The following PAQR3 variants were observed in gnomAD, a reference collection of about 807,000 sequenced individuals.
PAQR3 encodes the protein progestin and adipoQ receptor family member 3.
PAQR3 carries 39 observed loss-of-function variants against 41.7 expected under a neutral mutation model. The observed-to-expected ratio is 0.93, with a 90% CI of 0.72 to 1.22. The LOEUF is 1.22. Ranked by LOEUF, PAQR3 falls within the 50% of genes most tolerant of loss-of-function variation. PAQR3 has a pLI of 0.00. For synonymous variants in PAQR3, 140 were observed against 140.6 expected, an observed-to-expected ratio of 1.00 and a Z score of 0.03; for missense variants, 366 against 385.6, an observed-to-expected ratio of 0.95 and a Z score of 0.42.
Position 78,920,399 on chromosome 4 carries a change from T to C in PAQR3, c.*140A>G. The C allele has an allele frequency of 7.7e-7, 1 of 1,303,220 alleles. No individual in the cohort carries two copies. The highest frequency in any genetic ancestry group is 9.8e-7 in the Non-Finnish European group (1 of 1,024,812). The allele number at this position is 1,303,220 out of a possible 1,614,324, so 80.7% of individuals were successfully genotyped here. ...ATTACTACAGATCCTTAAGTATACTTTTTTTCCCATTTTTATAAAGCATTA... is the reference window on the plus strand; with the variant it reads ...ATTACTACAGATCCTTAAGTATACTCTTTTTCCCATTTTTATAAAGCATTA... On this transcript the variant is annotated 3_prime_UTR_variant, in exon 6 of 6. Coordinates refer to ENST00000512733, the MANE Select transcript of PAQR3 (RefSeq NM_001040202.2).
intron 11 of PAQR3, among the ~76,000 whole-genome samples, chr4:78,900,656 T>C (rs1157901916): frequency 6.6e-6 from 1 of 152,238 alleles, no homozygotes; most frequent in Non-Finnish European, 1.5e-5. Flanking sequence ...ATTTGTTGCC[T>C]TAGTTTATGA....
intron 4 of PAQR3, 130 bp downstream of exon 4, chr4:78,926,391 C>T: frequency 1.4e-6 from 1 of 724,898 alleles, no homozygotes; most frequent in South Asian, 2.0e-5. Flanking sequence ...ACGGCATCAA[C>T]ATGCAATTAC....
In PAQR3 at chr4:78,918,743, C is replaced by A. The variant is rs1220526947; in HGVS notation, c.*1796G>T. The A allele has an allele frequency of 1.0e-6, 1 of 980,310 alleles. No individual in the cohort carries two copies. Among genetic ancestry groups the A allele is most frequent in the East Asian group, 1.1e-4 (1 of 8,786 alleles). 60.7% of individuals were successfully genotyped at this position (980,310 alleles called of 1,614,324 possible). On this transcript the variant is annotated 3_prime_UTR_variant, in exon 6 of 6. Transcript: ENST00000512733. Reference sequence around the variant, plus strand: ...GTTTTATAATAAAAATGGCTCCACACCTAAAATAATGATTTTCCCCTCATT... The same window carrying A: ...GTTTTATAATAAAAATGGCTCCACAACTAAAATAATGATTTTCCCCTCATT...
rs901879145 is a variant in PAQR3, at chr4:78,919,534, G to T, written c.*1005C>A. 3.0e-6 allele frequency: 3 copies of T among 985,022 alleles called. No homozygotes were observed. Among genetic ancestry groups the T allele is most frequent in the Admixed American group, 1.2e-4 (2 of 16,186 alleles). The allele number at this position is 985,022 out of a possible 1,614,324, so 61.0% of individuals were successfully genotyped here. On this transcript the variant is annotated 3_prime_UTR_variant, in exon 6 of 6. Coordinates refer to ENST00000512733, the MANE Select transcript of PAQR3 (RefSeq NM_001040202.2). ...GCAGAAACCGAGGACCAGAGCACAG[G>T]TGAATAAGATTATTATCAAATGGGG...
chr4:78,909,408 G>T (rs1734462904), downstream of PAQR3, among the ~76,000 whole-genome samples: 1 of 151,682 alleles, frequency 6.6e-6, no homozygotes, highest in Non-Finnish European at 1.5e-5. Context: ...TTTAATAATA[G>T]CTTTCCATTA....
chr4:78,936,113 C>A (rs1435700260), intron 1 of PAQR3, among the ~76,000 whole-genome samples: 1 of 152,184 alleles, frequency 6.6e-6, no homozygotes, highest in African/African-American at 2.4e-5. Context: ...TCAGTTTCTT[C>A]ATCTATACAG....
At chr4:78,936,351 C>G (rs1472162446) in intron 1 of PAQR3, among the ~76,000 whole-genome samples, 1 of 152,196 alleles carries the variant, frequency 6.6e-6, no homozygotes, top group Non-Finnish European at 1.5e-5. Flanking sequence ...ATGACATTGA[C>G]ATATAACTCT....
At chr4:78,903,606 A>C (rs1221700438) in intron 11 of PAQR3, among the ~76,000 whole-genome samples, 1 of 151,970 alleles carries the variant, frequency 6.6e-6, no homozygotes, top group Non-Finnish European at 1.5e-5. Flanking sequence ...TTGGATGTTT[A>C]TCTCTCATGG....
chr4:78,936,744 T>C (rs1737466317), intron 1 of PAQR3, among the ~76,000 whole-genome samples: 1 of 152,226 alleles, frequency 6.6e-6, no homozygotes, highest in Non-Finnish European at 1.5e-5. Flanking sequence ...GCTCTGCTTA[T>C]TACTTCAGAA....
In PAQR3 at chr4:78,913,758, T is replaced by C. The variant is rs1734811849; in HGVS notation, c.*6781A>G. ...TTATTGCTTTTTCCCTTCTTTTATA[T>C]GCTAAATCAAATATAGATTTGTGGA... On this transcript the variant is annotated 3_prime_UTR_variant, in exon 6 of 6. Coordinates refer to ENST00000512733, the MANE Select transcript of PAQR3 (RefSeq NM_001040202.2). 6.6e-6 allele frequency: 1 copy of C among 152,114 alleles called. No individual in the cohort carries two copies. The highest frequency in any genetic ancestry group is 2.1e-4 in the South Asian group (1 of 4,822). The allele number at this position is 152,114 out of a possible 1,614,324, so 9.4% of individuals were successfully genotyped here.
At chr4:78,933,099 A>G (rs776163492) in intron 2 of PAQR3, 27 of 452,178 alleles carry the variant, frequency 6.0e-5, no homozygotes, top group Non-Finnish European at 1.1e-4. Flanking sequence ...AAGTGCTAAG[A>G]AAGTGTGTCT....
In PAQR3 at chr4:78,926,628, A is replaced by G; in HGVS notation, c.595T>C (p.Trp199Arg). ...AAGATGATAGAACGGAGCCTTTGCC[A>G]TTGCTGCGTGAGGTAATTGGGATGA... ...QIHPNYLTQQ[W>R]QRLRSIIFCS... is the part of the protein sequence containing the mutation. The change falls in exon 4 of 6, where the codon TGG (tryptophan) becomes CGG (arginine). Residue 199 changes from tryptophan (W) to arginine (R), a missense_variant. Coordinates refer to ENST00000512733, the MANE Select transcript of PAQR3 (RefSeq NM_001040202.2). 6.2e-7 allele frequency: 1 copy of G among 1,613,976 alleles called. No individual in the cohort carries two copies. Among genetic ancestry groups the G allele is most frequent in the East Asian group, 2.2e-5 (1 of 44,878 alleles).
rs974770072 is a variant in PAQR3, at chr4:78,916,092, G to A, written c.*4447C>T. ...CTTGTTACAAAACATACTTGCTAAA[G>A]TAACTTCAGTCCTCAAATATAGCTG... is the stretch of plus-strand genomic sequence containing the variant. On this transcript the variant is annotated 3_prime_UTR_variant, in exon 6 of 6. Coordinates refer to ENST00000512733, the MANE Select transcript of PAQR3 (RefSeq NM_001040202.2). 6.6e-6 allele frequency: 1 copy of A among 151,780 alleles called. No homozygotes were observed. The highest frequency in any genetic ancestry group is 2.1e-4 in the South Asian group (1 of 4,820). 9.4% of individuals were successfully genotyped at this position (151,780 alleles called of 1,614,324 possible). A position where few individuals can be genotyped will look rare whatever the true frequency, so the allele number is the denominator to read the frequency against.
chr4:78,922,061 T>C (rs1578011051), intron 5 of PAQR3: 1 of 1,028,860 alleles, frequency 9.7e-7, no homozygotes, highest in African/African-American at 1.7e-5. Context: ...CATGGTTTAG[T>C]GTTCTACTTG....
downstream of PAQR3, among the ~76,000 whole-genome samples, chr4:78,908,585 C>T (rs1388373805): frequency 2.0e-5 from 3 of 152,124 alleles, no homozygotes; most frequent in Non-Finnish European, 2.9e-5. Flanking sequence ...ATGGTGATAA[C>T]TCCCAAATCT....
chr4:78,919,323 T>C lies in PAQR3; in HGVS notation c.*1216A>G. On this transcript the variant is annotated 3_prime_UTR_variant, in exon 6 of 6. Coordinates refer to ENST00000512733, the MANE Select transcript of PAQR3 (RefSeq NM_001040202.2). The stretch of plus-strand genomic sequence containing the variant: ...CTCCAATAAACAATGTAAGTTTTTA[T>C]GAATGTCTACTTTAAGGGATTTAAC... 1 of 983,646 alleles carries C rather than the reference T, an allele frequency of 1.0e-6. No individual in the cohort carries two copies. Among genetic ancestry groups the C allele is most frequent in the Non-Finnish European group, 1.2e-6 (1 of 828,414 alleles). 60.9% of individuals were successfully genotyped at this position (983,646 alleles called of 1,614,324 possible).
In PAQR3 at chr4:78,915,500, T is replaced by G. The variant is rs1415700831; in HGVS notation, c.*5039A>C. The G allele has an allele frequency of 6.6e-6, 1 of 151,928 alleles. No individual in the cohort carries two copies. The highest frequency in any genetic ancestry group is 1.9e-4 in the East Asian group (1 of 5,202). 9.4% of individuals were successfully genotyped at this position (151,928 alleles called of 1,614,324 possible). A position where few individuals can be genotyped will look rare whatever the true frequency, so the allele number is the denominator to read the frequency against. On this transcript the variant is annotated 3_prime_UTR_variant, in exon 6 of 6. Transcript: ENST00000512733. ...TTTCTTTTTAGCAAACTTGTTATTT[T>G]AGGTCCAATTATTGAGTTGACAGTC...
In PAQR3 at chr4:78,912,768, T is replaced by C. The variant is rs1734721863; in HGVS notation, c.*7771A>G. On this transcript the variant is annotated 3_prime_UTR_variant, in exon 6 of 6. Coordinates refer to ENST00000512733, the MANE Select transcript of PAQR3 (RefSeq NM_001040202.2). ...TATAATTTTTGTCAGTTAAAACAAA[T>C]TAAAAAAATGGACTATCGTCGCACA... 1 of 151,120 alleles carries C rather than the reference T, an allele frequency of 6.6e-6. No homozygotes were observed. Among genetic ancestry groups the C allele is most frequent in the Non-Finnish European group, 1.5e-5 (1 of 67,838 alleles). The allele number at this position is 151,120 out of a possible 1,614,324, so 9.4% of individuals were successfully genotyped here. A position where few individuals can be genotyped will look rare whatever the true frequency, so the allele number is the denominator to read the frequency against.
chr4:78,929,062 C>T (rs373954106), intron 3 of PAQR3, among the ~76,000 whole-genome samples: 22 of 152,180 alleles, frequency 1.4e-4, no homozygotes, highest in East Asian at 5.8e-4. Context: ...GCTGTAAATA[C>T]GTATGAAACT....
Sources: gnomAD v4.1 joint callset for allele counts (sites outside exome capture counted in the v4.1 genomes callset) on GRCh38, gnomAD v4.1.1 for gene constraint, MANE v1.5 for transcripts, NCBI Gene and HGNC (gene_info 2026-07-23, HGNC 2026-07-21) for gene names.